Variants in EEIG2 observed in about 807,000 individuals in gnomAD.
EEIG2 encodes the protein family with sequence similarity 102 member B.
chr1:108,629,224 TA>T, the EEIG2 span, among the ~76,000 whole-genome samples: 2 of 152,192 alleles, frequency 1.3e-5, no homozygotes, highest in South Asian at 4.1e-4. Flanking sequence ...TGAAAATTTG[TA>T]TGCCACCAAT....
the EEIG2 span, chr1:108,628,329 G>A: frequency 6.2e-7 from 1 of 1,611,212 alleles, no homozygotes; most frequent in Non-Finnish European, 8.5e-7. Flanking sequence ...TGTGGTGTGG[G>A]GGAACGATGT....
chr1:108,624,080 T>TTAC, the EEIG2 span, among the ~76,000 whole-genome samples: 1 of 152,194 alleles, frequency 6.6e-6, no homozygotes, highest in Non-Finnish European at 1.5e-5. Context: ...AATAGATCCA[T>TTAC]TACTACTCCC....
At chr1:108,622,235 G>A in the EEIG2 span, among the ~76,000 whole-genome samples, 147,960 of 152,322 alleles carry the variant, frequency 0.97, 71,997 homozygotes, top group Non-Finnish European at 1. Flanking sequence ...TGCAAGTTCT[G>A]AGGGATTTGA....
chr1:108,612,358 A>G, the EEIG2 span: 1 of 1,073,472 alleles, frequency 9.3e-7, no homozygotes, highest in Non-Finnish European at 1.4e-6. Flanking sequence ...AAGCGTATGT[A>G]TATATTGTCA....
chr1:108,608,159 T>A, the EEIG2 span, among the ~76,000 whole-genome samples: 1 of 152,186 alleles, frequency 6.6e-6, no homozygotes, highest in South Asian at 2.1e-4. Context: ...TCCCATGCTA[T>A]CTTAGCCTTT....
chr1:108,608,750 G>A, the EEIG2 span, among the ~76,000 whole-genome samples: 3 of 152,330 alleles, frequency 2.0e-5, no homozygotes, highest in Admixed American at 2.0e-4. Context: ...GGCTGTCTTA[G>A]TTAGTTTGGG....
the EEIG2 span, chr1:108,626,140 T>C: frequency 2.0e-5 from 3 of 152,244 alleles, no homozygotes; most frequent in African/African-American, 7.2e-5. Flanking sequence ...CTTTACATAT[T>C]GATGTTCCAA....
chr1:108,587,444 C>T, the EEIG2 span, among the ~76,000 whole-genome samples: 4 of 152,186 alleles, frequency 2.6e-5, no homozygotes, highest in Admixed American at 2.0e-4. Context: ...TTAAAGTTTA[C>T]GTTAGGCTTC....
At chr1:108,605,634 G>A in the EEIG2 span, among the ~76,000 whole-genome samples, 165 of 152,274 alleles carry the variant, frequency 1.1e-3, 1 homozygote, top group Non-Finnish European at 1.5e-3. Flanking sequence ...TCTCACAGCT[G>A]TGTGAAAACA....
chr1:108,575,385 G>T, the EEIG2 span, among the ~76,000 whole-genome samples: 1 of 152,164 alleles, frequency 6.6e-6, no homozygotes, highest in Non-Finnish European at 1.5e-5. Context: ...AACTTTCAGG[G>T]ATTGGTAGGA....
chr1:108,576,399 A>C, the EEIG2 span, among the ~76,000 whole-genome samples: 2 of 137,990 alleles, frequency 1.4e-5, no homozygotes, highest in African/African-American at 2.7e-5. Context: ...GCACCCACTA[A>C]CTCGTCATCT....
At chr1:108,584,101 G>A in the EEIG2 span, among the ~76,000 whole-genome samples, 66 of 152,260 alleles carry the variant, frequency 4.3e-4, no homozygotes, top group African/African-American at 1.5e-3. Flanking sequence ...AGGTGGTGAA[G>A]GAGCAGAAGT....
chr1:108,572,428 C>T, the EEIG2 span, among the ~76,000 whole-genome samples: 4 of 152,086 alleles, frequency 2.6e-5, no homozygotes, highest in South Asian at 8.3e-4. Context: ...ATCATTATCA[C>T]CCAAAGTTCA....
At chr1:108,610,023 G>T in the EEIG2 span, among the ~76,000 whole-genome samples, 1 of 152,100 alleles carries the variant, frequency 6.6e-6, no homozygotes, top group Admixed American at 6.6e-5. Flanking sequence ...TGACAAACCT[G>T]CACGTCCTGC....
At chr1:108,578,750 A>G in the EEIG2 span, among the ~76,000 whole-genome samples, 1 of 150,346 alleles carries the variant, frequency 6.7e-6, no homozygotes, top group Non-Finnish European at 1.5e-5. Context: ...CTCGGCAGAA[A>G]CCCTACAAGC....
the EEIG2 span, chr1:108,624,730 G>T: frequency 6.2e-7 from 1 of 1,614,000 alleles, no homozygotes; most frequent in Non-Finnish European, 8.5e-7. Flanking sequence ...GACTCTCAAA[G>T]TGCATCTTGG....
the EEIG2 span, among the ~76,000 whole-genome samples, chr1:108,612,524 A>C: frequency 6.6e-6 from 1 of 152,236 alleles, no homozygotes; most frequent in Admixed American, 6.5e-5. Context: ...ACGTTTGAGC[A>C]TTCAGAGAAT....
At chr1:108,621,085 T>C in the EEIG2 span, among the ~76,000 whole-genome samples, 1 of 152,166 alleles carries the variant, frequency 6.6e-6, no homozygotes, top group African/African-American at 2.4e-5. Flanking sequence ...GGGCATTGAG[T>C]ATTTAAGAAA....
At chr1:108,562,848 GAA>G in the EEIG2 span, among the ~76,000 whole-genome samples, 5 of 136,546 alleles carry the variant, frequency 3.7e-5, no homozygotes, top group African/African-American at 1.3e-4. Flanking sequence ...CATTTTACAA[GAA>G]AAAAAAAAAA....
Sources: gnomAD v4.1 joint callset for allele counts (sites outside exome capture counted in the v4.1 genomes callset) on GRCh38, gnomAD v4.1.1 for gene constraint, MANE v1.5 for transcripts, NCBI Gene and HGNC (gene_info 2026-07-23, HGNC 2026-07-21) for gene names.